The following LRRTM4 variants were observed in gnomAD, a reference collection of about 807,000 sequenced individuals.
The protein encoded by LRRTM4 is leucine-rich repeat transmembrane neuronal protein 4.
In LRRTM4, 25 loss-of-function variants were observed where a neutral mutation model predicts 47.6. That is an observed-to-expected ratio of 0.53 (90% CI 0.38 to 0.73). The LOEUF is 0.73. Among genes scored for constraint, LRRTM4 ranks in the 30% least tolerant of loss-of-function variants. The pLI, the probability that LRRTM4 is intolerant of heterozygous loss-of-function variation, is 0.00. For synonymous variants in LRRTM4, 311 were observed against 269.5 expected (o/e 1.15, Z -1.51); for missense variants, 638 against 713.4 (o/e 0.89, Z 1.20).
At chr2:76,830,465 GCCTA>G (rs1253930716) in intron 3 of LRRTM4, among the ~76,000 whole-genome samples, 1 of 150,860 alleles carries the variant, frequency 6.6e-6, no homozygotes, top group Non-Finnish European at 1.5e-5. Flanking sequence ...TTTTATCCCT[GCCTA>G]CCTTTTTGCT....
intron 3 of LRRTM4, among the ~76,000 whole-genome samples, chr2:76,779,502 T>G (rs994054315): frequency 1.7e-4 from 24 of 143,344 alleles, no homozygotes; most frequent in Middle Eastern, 3.2e-3. Context: ...ATTGATCCCT[T>G]TACCATCATG....
intron 3 of LRRTM4, among the ~76,000 whole-genome samples, chr2:77,367,152 G>T (rs1469681277): frequency 6.6e-6 from 1 of 151,344 alleles, no homozygotes; most frequent in Non-Finnish European, 1.5e-5. Flanking sequence ...CCTTGCCTTC[G>T]TCACCTAATT....
At chr2:76,878,878 T>TA (rs1239467521) in intron 3 of LRRTM4, among the ~76,000 whole-genome samples, 34 of 147,614 alleles carry the variant, frequency 2.3e-4, no homozygotes, top group African/African-American at 5.7e-4. Flanking sequence ...CATCTAAAAT[T>TA]AAAAAAAAAA....
intron 3 of LRRTM4, among the ~76,000 whole-genome samples, chr2:77,132,276 G>C (rs1036719244): frequency 6.6e-6 from 1 of 151,974 alleles, no homozygotes; most frequent in Non-Finnish European, 1.5e-5. Flanking sequence ...ATTTCACTTA[G>C]CATACTGACT....
chr2:76,844,573 A>T (rs1475490065), intron 3 of LRRTM4, among the ~76,000 whole-genome samples: 2 of 152,160 alleles, frequency 1.3e-5, no homozygotes, highest in Non-Finnish European at 2.9e-5. Context: ...CTACTCTATA[A>T]TGTAGTTTTT....
intron 3 of LRRTM4, among the ~76,000 whole-genome samples, chr2:77,430,950 T>C (rs1294306405): frequency 1.3e-5 from 2 of 148,730 alleles, no homozygotes; most frequent in Non-Finnish European, 2.9e-5. Flanking sequence ...CTCTGTTTTC[T>C]GGATCCAGGA....
intron 3 of LRRTM4, among the ~76,000 whole-genome samples, chr2:77,393,647 A>C (rs1306312837): frequency 6.6e-6 from 1 of 151,968 alleles, no homozygotes; most frequent in South Asian, 2.1e-4. Context: ...GTTTTTTGGA[A>C]CAATCACTTT....
intron 3 of LRRTM4, among the ~76,000 whole-genome samples, chr2:76,889,995 A>G (rs958966860): frequency 2.0e-5 from 3 of 151,990 alleles, no homozygotes; most frequent in Non-Finnish European, 4.4e-5. Flanking sequence ...AGGGATATAC[A>G]TAGAGTTCTG....
At chr2:77,511,124 A>C (rs181549534) in intron 3 of LRRTM4, among the ~76,000 whole-genome samples, 19 of 152,240 alleles carry the variant, frequency 1.2e-4, no homozygotes, top group Admixed American at 8.5e-4. Context: ...AATTTGGAAA[A>C]CAATCATACC....
chr2:77,142,725 C>G (rs1293219704), intron 3 of LRRTM4, among the ~76,000 whole-genome samples: 2 of 152,252 alleles, frequency 1.3e-5, no homozygotes, highest in Non-Finnish European at 2.9e-5. Context: ...AGATGATACT[C>G]TGTATGTCTA....
chr2:76,812,153 G>C (rs1232451988), intron 3 of LRRTM4, among the ~76,000 whole-genome samples: 1 of 152,262 alleles, frequency 6.6e-6, no homozygotes, highest in East Asian at 1.9e-4. Flanking sequence ...AACACAGCTA[G>C]TGGAAGCCTT....
At chr2:77,444,948 CAT>C (rs143587262) in intron 3 of LRRTM4, among the ~76,000 whole-genome samples, 36,493 of 131,956 alleles carry the variant, frequency 0.28, 5,606 homozygotes, top group East Asian at 0.58. Flanking sequence ...CACACACACA[CAT>C]ACACACACAC....
At chr2:76,778,739 G>GT (rs1674177451) in intron 3 of LRRTM4, among the ~76,000 whole-genome samples, 1 of 150,708 alleles carries the variant, frequency 6.6e-6, no homozygotes, top group Admixed American at 6.6e-5. Flanking sequence ...TTTTTGAAGG[G>GT]TTTTTTGTGT....
chr2:77,227,831 T>C (rs1261625039), intron 3 of LRRTM4, among the ~76,000 whole-genome samples: 1 of 152,108 alleles, frequency 6.6e-6, no homozygotes, highest in Non-Finnish European at 1.5e-5. Flanking sequence ...ATAAATATAG[T>C]TTCTAGTCAT....
At chr2:77,487,137 G>T (rs72922002) in intron 3 of LRRTM4, among the ~76,000 whole-genome samples, 2,355 of 152,286 alleles carry the variant, frequency 0.015, 60 homozygotes, top group African/African-American at 0.053. Context: ...AGGGCTGCAG[G>T]ATCCACAGAG....
chr2:77,495,442 T>C (rs1387434272), intron 3 of LRRTM4, among the ~76,000 whole-genome samples: 1 of 152,084 alleles, frequency 6.6e-6, no homozygotes, highest in Non-Finnish European at 1.5e-5. Context: ...CGCAAACTTC[T>C]GTTGTCATAT....
intron 3 of LRRTM4, among the ~76,000 whole-genome samples, chr2:77,141,840 C>G (rs184861731): frequency 2.0e-5 from 3 of 152,218 alleles, no homozygotes; most frequent in Non-Finnish European, 4.4e-5. Context: ...ATATAAGTAT[C>G]ACCAATCAAC....
intron 3 of LRRTM4, among the ~76,000 whole-genome samples, chr2:77,501,013 C>T (rs1345588126): frequency 6.6e-6 from 1 of 150,724 alleles, no homozygotes. Flanking sequence ...CAGAAGAAAA[C>T]AGAACAGAGA....
intron 3 of LRRTM4, among the ~76,000 whole-genome samples, chr2:76,824,269 G>T (rs987921478): frequency 6.6e-6 from 1 of 151,406 alleles, no homozygotes. Flanking sequence ...CTATAAATGT[G>T]TGTGTGTTTT....
Sources: gnomAD v4.1 joint callset for allele counts (sites outside exome capture counted in the v4.1 genomes callset) on GRCh38, gnomAD v4.1.1 for gene constraint, MANE v1.5 for transcripts, NCBI Gene and HGNC (gene_info 2026-07-23, HGNC 2026-07-21) for gene names.